The following MAPK10 variants were observed in gnomAD, a reference collection of about 807,000 sequenced individuals.
The protein encoded by MAPK10 is JNK3 alpha protein kinase.
In MAPK10, 25 loss-of-function variants were observed where a neutral mutation model predicts 59.3. The ratio of observed to expected loss-of-function variants is 0.42; its 90% CI spans 0.31 to 0.59. The LOEUF is 0.59. Ranked by LOEUF, MAPK10 falls within the 20% of genes least tolerant of loss-of-function variation. The pLI is 0.15. For synonymous variants in MAPK10, 190 were observed against 200.5 expected, an observed-to-expected ratio of 0.95 and a Z score of 0.44; for missense variants, 351 against 568.9, an observed-to-expected ratio of 0.62 and a Z score of 3.90.
intron 2 of MAPK10, among the ~76,000 whole-genome samples, chr4:86,244,358 A>G (rs899582783): frequency 1.3e-5 from 2 of 152,220 alleles, no homozygotes; most frequent in African/African-American, 4.8e-5. Context: ...AGAATTAACT[A>G]AATTTTGCAA....
chr4:86,540,342 T>TA (rs368977085), intron 1 of MAPK10, among the ~76,000 whole-genome samples: 5 of 151,394 alleles, frequency 3.3e-5, no homozygotes, highest in Non-Finnish European at 7.4e-5. Flanking sequence ...GTACGAAAAA[T>TA]ACAACAAATT....
chr4:86,169,073 T>C (rs2073055367), intron 3 of MAPK10, among the ~76,000 whole-genome samples: 1 of 151,700 alleles, frequency 6.6e-6, no homozygotes, highest in Non-Finnish European at 1.5e-5. Context: ...TACATCACCA[T>C]CATCAAAGAC....
Position 86,075,058 on chromosome 4 carries a change from T to C in MAPK10, c.803-7103A>G, listed in dbSNP as rs532624522. 2.3e-3 allele frequency among the ~76,000 whole-genome samples: 340 copies of C among 149,696 alleles called. 2 individuals are homozygous for C. The highest frequency in any genetic ancestry group is 0.011 in the East Asian group (58 of 5,118). Reference sequence around the variant, plus strand: ...ATCAGACCTAGATTTGGTCTTTTCATATAGTCCCATATTTCTTGGAGGCTT... The same window carrying C: ...ATCAGACCTAGATTTGGTCTTTTCACATAGTCCCATATTTCTTGGAGGCTT... On this transcript the variant is annotated intron_variant, in intron 9 of 13. Coordinates refer to ENST00000641462, the MANE Select transcript of MAPK10 (RefSeq NM_138982.4).
chr4:86,224,029 T>A lies in MAPK10; in HGVS notation c.-6-29622A>T, dbSNP rs59773783. Among the ~76,000 whole-genome samples, 476 of 152,244 alleles carry A rather than the reference T, an allele frequency of 3.1e-3. 6 individuals are homozygous for A. In the East Asian group the frequency reaches 0.054, roughly 17 times the overall value. On this transcript the variant is annotated intron_variant, in intron 2 of 13. Transcript: ENST00000641462. ...GAGGGTGACTTAGACATACCCTAGTTTTTATGTAAACCTTTCTTGAGCTTA... is the reference window on the plus strand; with the variant it reads ...GAGGGTGACTTAGACATACCCTAGTATTTATGTAAACCTTTCTTGAGCTTA...
intron 2 of MAPK10, among the ~76,000 whole-genome samples, chr4:86,271,762 G>C (rs1226669449): frequency 6.6e-6 from 1 of 151,936 alleles, no homozygotes; most frequent in Non-Finnish European, 1.5e-5. Flanking sequence ...AGCAAAAGGG[G>C]GGAAAAGCCC....
At chr4:86,490,773 A>G (rs560221289) in intron 1 of MAPK10, among the ~76,000 whole-genome samples, 1 of 152,308 alleles carries the variant, frequency 6.6e-6, no homozygotes, top group African/African-American at 2.4e-5. Context: ...TGGCTTTTCT[A>G]ATCTAAACAA....
At chr4:86,429,145 G>A (rs958508326) in intron 1 of MAPK10, among the ~76,000 whole-genome samples, 8 of 151,806 alleles carry the variant, frequency 5.3e-5, no homozygotes, top group African/African-American at 1.7e-4. Flanking sequence ...TGGGCCTGCC[G>A]CTTGCTTCCT....
intron 2 of MAPK10, among the ~76,000 whole-genome samples, chr4:86,266,401 C>T (rs374661430): frequency 6.6e-6 from 1 of 152,158 alleles, no homozygotes; most frequent in East Asian, 1.9e-4. Context: ...CTCTACCTCA[C>T]AGTATTGCTG....
In MAPK10 at chr4:86,194,382, T is replaced by C. The variant is rs1286031922; in HGVS notation, c.20A>G (p.Tyr7Cys). The C allele has an allele frequency of 6.2e-7, 1 of 1,611,320 alleles. No individual in the cohort carries two copies. Among genetic ancestry groups the C allele is most frequent in the South Asian group, 1.1e-5 (1 of 91,006 alleles). ...ATCCAATGTTGGTTCACTGCAGTAG[T>C]ATAAGAAATGGAGGCTCATAAATAC... is the stretch of plus-strand genomic sequence containing the variant. Reference protein sequence around the residue: MSLHFLYYCSEPTLDVK... With the variant: MSLHFLCYCSEPTLDVK... Residue 7 changes from tyrosine to cysteine, a missense_variant, in exon 3 of 14, where the codon TAC becomes TGC. Tyr to Cys is a radical substitution (Grantham distance 194). Around this residue, in one of 5 missense-constraint regions of MAPK10, gnomAD observed 61 missense variants for 58.4 expected, o/e 1.05. Transcript: ENST00000641462.
At chr4:86,507,615 G>GAGATATATATATAT (rs1219957209) in intron 1 of MAPK10, among the ~76,000 whole-genome samples, 1 of 35,654 alleles carries the variant, frequency 2.8e-5, no homozygotes, top group Non-Finnish European at 5.1e-5. Context: ...ATAAACTGGA[G>GAGATATATATATAT]ATATATATAT....
At position 86,128,533 on chromosome 4, in the gene MAPK10, C is replaced by T. The variant is rs993630736; in HGVS notation, c.237-21181G>A. Among the ~76,000 whole-genome samples, 8 of 152,164 alleles carry T rather than the reference C, an allele frequency of 5.3e-5. No homozygotes were observed. The East Asian group carries it at 1.5e-3, about 29-fold the overall frequency. On this transcript the variant is annotated intron_variant, in intron 4 of 13. Transcript: ENST00000641462. ...AGGACGTGTTTGCTTCCCCTTCTGCCATGATTGTAATTTTCCTGAAGGCCT... is the reference window on the plus strand; with the variant it reads ...AGGACGTGTTTGCTTCCCCTTCTGCTATGATTGTAATTTTCCTGAAGGCCT...
chr4:86,357,917 T>C (rs751133151), intron 1 of MAPK10: 1 of 194,252 alleles, frequency 5.1e-6, no homozygotes, highest in African/African-American at 2.4e-5. Flanking sequence ...TGAGGAAGCA[T>C]GAAGACTCTC....
chr4:86,042,485 A>G (rs1389720623), intron 11 of MAPK10, among the ~76,000 whole-genome samples: 1 of 152,222 alleles, frequency 6.6e-6, no homozygotes, highest in Non-Finnish European at 1.5e-5. Flanking sequence ...AACTTAAAGT[A>G]AAATTTTAAA....
At chr4:86,469,149 T>C (rs1752455211) in intron 1 of MAPK10, among the ~76,000 whole-genome samples, 1 of 151,714 alleles carries the variant, frequency 6.6e-6, no homozygotes, top group African/African-American at 2.4e-5. Flanking sequence ...TGATCAATTC[T>C]AGCTACTTGG....
intron 1 of MAPK10, among the ~76,000 whole-genome samples, chr4:86,404,245 C>T (rs887770613): frequency 3.3e-5 from 5 of 151,770 alleles, no homozygotes; most frequent in African/African-American, 9.7e-5. Context: ...TGCATAATAA[C>T]TATATTCATC....
At chr4:86,391,438 T>A (rs1247065741) in intron 1 of MAPK10, among the ~76,000 whole-genome samples, 1 of 152,208 alleles carries the variant, frequency 6.6e-6, no homozygotes, top group African/African-American at 2.4e-5. Context: ...GCAACGTTTT[T>A]AACTGTACCA....
intron 2 of MAPK10, among the ~76,000 whole-genome samples, chr4:86,291,995 T>C (rs923907000): frequency 6.6e-6 from 1 of 152,204 alleles, no homozygotes; most frequent in African/African-American, 2.4e-5. Flanking sequence ...TTCTCATATC[T>C]TTCTGAGCCA....
At chr4:86,422,652 A>G (rs1746681600) in intron 1 of MAPK10, among the ~76,000 whole-genome samples, 1 of 152,226 alleles carries the variant, frequency 6.6e-6, no homozygotes, top group Non-Finnish European at 1.5e-5. Flanking sequence ...GGACATAATT[A>G]TCTTTAGTGT....
At position 86,359,820 on chromosome 4, in the gene MAPK10, C is replaced by T; in HGVS notation, c.-284G>A. The stretch of plus-strand genomic sequence containing the variant: ...GATGGACAGGTGATTTCCAAGAAAA[C>T]CCAATCTTAAACTCACTCAAGCCCC... On this transcript the variant is annotated 5_prime_UTR_variant, in exon 1 of 14. Transcript: ENST00000641462. The T allele has an allele frequency of 4.1e-6, 4 of 985,592 alleles. No individual in the cohort carries two copies. The highest frequency in any genetic ancestry group is 4.8e-6 in the Non-Finnish European group (4 of 829,882). 61.1% of individuals were successfully genotyped at this position (985,592 alleles called of 1,614,324 possible).
Sources: allele counts gnomAD v4.1 joint callset (sites outside exome capture counted in the v4.1 genomes callset), GRCh38; gene constraint gnomAD v4.1.1; regional missense constraint gnomAD v4.1.1; transcripts MANE v1.5; gene names NCBI Gene and HGNC (gene_info 2026-07-23, HGNC 2026-07-21).